AMBRA1: variants seen among roughly 807,000 people sequenced by gnomAD.
AMBRA1 encodes activating molecule in BECN1-regulated autophagy protein 1.
A neutral mutation model predicts 125.4 loss-of-function variants in AMBRA1; 47 were observed. That is an observed-to-expected ratio of 0.37 (90% CI 0.30 to 0.48). The LOEUF (loss-of-function observed/expected upper bound fraction) is 0.48. Ranked by LOEUF, AMBRA1 falls within the 20% of genes least tolerant of loss-of-function variation. AMBRA1 has a pLI of 0.99. For synonymous variants in AMBRA1, 626 were observed against 655.5 expected (o/e 0.95, Z 0.69); for missense variants, 1,331 against 1,693.4 (o/e 0.79, Z 3.76).
At position 46,477,100 on chromosome 11, in the gene AMBRA1, C is replaced by CAAA. The variant is rs966567377; in HGVS notation, c.2521+16505_2521+16507dup. 4.1e-3 allele frequency among the ~76,000 whole-genome samples: 295 copies of CAAA among 72,070 alleles called. 2 individuals are homozygous for CAAA. The highest frequency in any genetic ancestry group is 0.015 in the African/African-American group (285 of 19,568). The allele number at this position is 72,070 out of a possible 152,430, so 47.3% of individuals were successfully genotyped here. ...CACTCCAGCCTGGGCAAGACTGTCT[C>CAAA]AAAAAAAAAAAAAAAAAATCTGCTT... On this transcript the variant is annotated intron_variant, in intron 11 of 17. Transcript: ENST00000683756.
chr11:46,542,953 G>A lies in AMBRA1; in HGVS notation c.1064C>T (p.Ala355Val). 6.2e-7 allele frequency: 1 copy of A among 1,607,326 alleles called. No individual in the cohort carries two copies. Among genetic ancestry groups the A allele is most frequent in the South Asian group, 1.1e-5 (1 of 91,078 alleles). Residue 355 changes from alanine (A) to valine (V), a missense_variant, in exon 7 of 18, where the codon GCC becomes GTC. By Grantham distance (64) the Ala-to-Val change is moderately conservative. This residue lies in a region of AMBRA1 where 689 missense variants were observed against 776.5 expected (regional missense o/e 0.89). Transcript: ENST00000683756. The surrounding 1 kb of genome is among the most constrained non-coding windows in gnomAD (Gnocchi z 5.9). ...GCCCTGGTCCTGCTGCGTTGACGAG[G>A]CCTGCTCCGGGGGATGGAAGGGCTC... is the stretch of plus-strand genomic sequence containing the variant. ...QTEPFHPPEQ[A>V]SSTQQDQGLL...
intron 1 of AMBRA1, among the ~76,000 whole-genome samples, chr11:46,582,106 G>T (rs2135315677): frequency 7.2e-6 from 1 of 139,732 alleles, no homozygotes; most frequent in Middle Eastern, 3.9e-3. Context: ...CAGAGACCCT[G>T]TCTCAAAAAA....
intron 9 of AMBRA1, among the ~76,000 whole-genome samples, chr11:46,507,091 G>A (rs1241634504): frequency 6.7e-6 from 1 of 149,110 alleles, no homozygotes; most frequent in Non-Finnish European, 1.5e-5. Flanking sequence ...GCAAGAGAAT[G>A]GCATGAACCT....
At chr11:46,520,332 G>A (rs1216748616) in intron 7 of AMBRA1, among the ~76,000 whole-genome samples, 1 of 152,048 alleles carries the variant, frequency 6.6e-6, no homozygotes, top group East Asian at 1.9e-4. Context: ...CTGTATACTT[G>A]TGAAAGAATG....
At chr11:46,536,822 C>G (rs976191302) in intron 7 of AMBRA1, among the ~76,000 whole-genome samples, 1 of 152,210 alleles carries the variant, frequency 6.6e-6, no homozygotes, top group Non-Finnish European at 1.5e-5. Flanking sequence ...ATGAGGGCTT[C>G]TAACTCTAAC....
intron 1 of AMBRA1, among the ~76,000 whole-genome samples, chr11:46,588,854 AG>A (rs2044496092): frequency 1.3e-5 from 2 of 152,162 alleles, no homozygotes; most frequent in Admixed American, 1.3e-4. Flanking sequence ...AAGCATTCAA[AG>A]CCTTTGATTT....
intron 1 of AMBRA1, among the ~76,000 whole-genome samples, chr11:46,589,077 TAAA>T (rs907160428): frequency 6.6e-6 from 1 of 152,208 alleles, no homozygotes; most frequent in African/African-American, 2.4e-5. Context: ...ACAGCCTCCT[TAAA>T]TAATTTGTAC....
intron 11 of AMBRA1, among the ~76,000 whole-genome samples, chr11:46,449,192 A>C (rs1323754679): frequency 6.6e-6 from 1 of 152,194 alleles, no homozygotes; most frequent in Non-Finnish European, 1.5e-5. Flanking sequence ...TAGCTAATGC[A>C]ATCAGAAACC....
intron 1 of AMBRA1, among the ~76,000 whole-genome samples, chr11:46,585,349 A>AAAAT (rs1183968808): frequency 3.4e-4 from 51 of 151,330 alleles, no homozygotes; most frequent in Admixed American, 1.1e-3. Flanking sequence ...ATGATCAATA[A>AAAAT]AAATAAATAA....
At chr11:46,488,284 C>G (rs1950331035) in intron 11 of AMBRA1, among the ~76,000 whole-genome samples, 2 of 151,928 alleles carry the variant, frequency 1.3e-5, no homozygotes, top group South Asian at 4.1e-4. Context: ...GGTGAAACCC[C>G]ATCTCTACTA....
intron 1 of AMBRA1, among the ~76,000 whole-genome samples, chr11:46,585,694 A>AAT (rs2044357970): frequency 1.0e-4 from 5 of 50,204 alleles, no homozygotes; most frequent in Non-Finnish European, 4.3e-5. Flanking sequence ...AAAAAAAAAA[A>AAT]AATATATATA....
chr11:46,536,580 T>C (rs1319095945), intron 7 of AMBRA1, among the ~76,000 whole-genome samples: 1 of 152,190 alleles, frequency 6.6e-6, no homozygotes, highest in African/African-American at 2.4e-5. Flanking sequence ...AGACTGCTAC[T>C]TTCCTCATTT....
chr11:46,453,702 A>G (rs1948726097), intron 11 of AMBRA1, among the ~76,000 whole-genome samples: 1 of 152,118 alleles, frequency 6.6e-6, no homozygotes, highest in Non-Finnish European at 1.5e-5. Context: ...AGGGAACGTC[A>G]TTTTCTGCAA....
rs541563315 is a variant in AMBRA1 at position 46,517,561 on chromosome 11, G to A, written c.2073-4748C>T. Among the ~76,000 whole-genome samples the A allele has an allele frequency of 6.4e-4, 90 of 141,426 alleles. 1 individual carries two copies. The highest frequency in any genetic ancestry group is 2.3e-3 in the African/African-American group (85 of 37,404). 92.8% of individuals were successfully genotyped at this position (141,426 alleles called of 152,430 possible). A position where few individuals can be genotyped will look rare whatever the true frequency, so the allele number is the denominator to read the frequency against. ...TTTAACAATACTAAACAGGCCGGGT[G>A]CAGTGGCTCACGCCTGTAATCCCAG... On this transcript the variant is annotated intron_variant, in intron 7 of 17. Coordinates refer to ENST00000683756, the MANE Select transcript of AMBRA1 (RefSeq NM_001387011.1).
chr11:46,473,269 T>C (rs1010685798), intron 11 of AMBRA1, among the ~76,000 whole-genome samples: 13 of 152,218 alleles, frequency 8.5e-5, no homozygotes, highest in African/African-American at 2.7e-4. Context: ...AAGAGACAAC[T>C]GACCTCATCA....
chr11:46,555,901 T>A (rs1475868691), intron 1 of AMBRA1, among the ~76,000 whole-genome samples: 1 of 152,238 alleles, frequency 6.6e-6, no homozygotes, highest in African/African-American at 2.4e-5. Context: ...TTTATTTGAG[T>A]AACTGCATCT....
chr11:46,400,119 T>C (rs1451340766), intron 17 of AMBRA1, among the ~76,000 whole-genome samples: 2 of 152,078 alleles, frequency 1.3e-5, no homozygotes, highest in African/African-American at 2.4e-5. Context: ...GCTCAGCTCT[T>C]GGTAGGGTGA....
intron 12 of AMBRA1, among the ~76,000 whole-genome samples, chr11:46,439,508 T>C (rs1947897809): frequency 6.6e-6 from 1 of 152,304 alleles, no homozygotes; most frequent in South Asian, 2.1e-4. Context: ...AATTGGATCA[T>C]ACTTTGATTA....
intron 14 of AMBRA1, among the ~76,000 whole-genome samples, chr11:46,427,169 ATATT>A (rs1947181502): frequency 6.6e-6 from 1 of 152,210 alleles, no homozygotes; most frequent in South Asian, 2.1e-4. Context: ...AAAAGAGCCT[ATATT>A]TGTGAAGTTA....
Sources: gnomAD v4.1 joint callset for allele counts (sites outside exome capture counted in the v4.1 genomes callset) on GRCh38, gnomAD v4.1.1 for gene constraint, gnomAD v4.1.1 regional missense constraint, Gnocchi (gnomAD v3.1) non-coding constraint, MANE v1.5 for transcripts, NCBI Gene and HGNC (gene_info 2026-07-23, HGNC 2026-07-21) for gene names.